The following CLASP2 variants were observed in gnomAD, a reference collection of about 807,000 sequenced individuals.
The protein encoded by CLASP2 is cytoplasmic linker associated protein 2, also known as CLIP-associating protein 2.
Under a neutral mutation model 194.4 loss-of-function variants are expected in CLASP2, and 47 were observed. The ratio of observed to expected loss-of-function variants is 0.24; its 90% CI spans 0.19 to 0.31. The LOEUF is 0.31. CLASP2 is among the 10% of genes least tolerant of loss of function. The pLI is 1.00. For missense variants in CLASP2, 1,445 were observed against 1,823.6 expected, an observed-to-expected ratio of 0.79 and a Z score of 3.78; for synonymous variants, 619 against 633.5, an observed-to-expected ratio of 0.98 and a Z score of 0.34.
At chr3:33,541,681 T>A (rs1444150024) in intron 32 of CLASP2, among the ~76,000 whole-genome samples, 1 of 152,228 alleles carries the variant, frequency 6.6e-6, no homozygotes. Context: ...TCTGTTTTTA[T>A]GGCCACATAG....
intron 37 of CLASP2, chr3:33,502,947 A>G (rs1235458564): frequency 6.6e-6 from 1 of 152,152 alleles, no homozygotes; most frequent in Non-Finnish European, 1.5e-5. Flanking sequence ...ATGCTTCCTA[A>G]TTTAACCATT....
chr3:33,651,790 G>T (rs538754884), intron 7 of CLASP2, among the ~76,000 whole-genome samples: 1 of 151,436 alleles, frequency 6.6e-6, no homozygotes, highest in South Asian at 2.1e-4. Context: ...CTCCTAAGTA[G>T]CTGGGATTAC....
At chr3:33,499,304 C>T (rs2046295920) in intron 38 of CLASP2, among the ~76,000 whole-genome samples, 1 of 151,206 alleles carries the variant, frequency 6.6e-6, no homozygotes, top group Non-Finnish European at 1.5e-5. Flanking sequence ...CCATGCGGAA[C>T]TGTGAGTCAA....
intron 33 of CLASP2, among the ~76,000 whole-genome samples, chr3:33,536,600 T>C (rs2154136387): frequency 6.6e-6 from 1 of 152,224 alleles, no homozygotes; most frequent in East Asian, 1.9e-4. Flanking sequence ...AAAAGCCTAT[T>C]GTATAGACTT....
chr3:33,699,330 A>G (rs975131833), intron 1 of CLASP2, among the ~76,000 whole-genome samples: 1 of 152,184 alleles, frequency 6.6e-6, no homozygotes. Context: ...CCAAGAATAT[A>G]GGAAAAATAA....
Position 33,598,975 on chromosome 3 carries a change from A to C in CLASP2, c.1925-2241T>G, listed in dbSNP as rs1019589632. Among the ~76,000 whole-genome samples, 49 of 152,220 alleles carry C rather than the reference A, an allele frequency of 3.2e-4. 1 individual carries two copies. Among genetic ancestry groups the C allele is most frequent in the Admixed American group, 2.7e-3 (41 of 15,282 alleles). On this transcript the variant is annotated intron_variant, in intron 18 of 38. Transcript: ENST00000682230. ...CAAAAAATTCAGTACTTTAGAGATA[A>C]CAAAAACCAGTAGCAACTGCTTTAA...
At chr3:33,500,323 C>G (rs1016773241) in intron 38 of CLASP2, among the ~76,000 whole-genome samples, 9 of 152,256 alleles carry the variant, frequency 5.9e-5, no homozygotes, top group East Asian at 1.9e-4. Flanking sequence ...CACATCTGGC[C>G]TACTTGTTTC....
chr3:33,507,321 T>G (rs774382445), intron 37 of CLASP2, among the ~76,000 whole-genome samples: 12 of 152,194 alleles, frequency 7.9e-5, no homozygotes, highest in Non-Finnish European at 2.9e-5. Flanking sequence ...TAAAGAAATT[T>G]GGCAGTTTTC....
At chr3:33,532,079 A>G (rs890535584) in intron 34 of CLASP2, among the ~76,000 whole-genome samples, 1 of 152,256 alleles carries the variant, frequency 6.6e-6, no homozygotes, top group African/African-American at 2.4e-5. Flanking sequence ...ACCAATGTTC[A>G]TAGCAACATT....
At chr3:33,604,573 A>G (rs1369807663) in intron 16 of CLASP2, among the ~76,000 whole-genome samples, 1 of 152,114 alleles carries the variant, frequency 6.6e-6, no homozygotes, top group Non-Finnish European at 1.5e-5. Context: ...CTCCTACCTC[A>G]GCCTCTCAAA....
chr3:33,531,542 G>A (rs534021707), intron 34 of CLASP2, among the ~76,000 whole-genome samples: 41 of 152,290 alleles, frequency 2.7e-4, no homozygotes, highest in African/African-American at 9.1e-4. Flanking sequence ...TTGGGAGGCC[G>A]AGGAGGGTGG....
intron 22 of CLASP2, among the ~76,000 whole-genome samples, chr3:33,582,216 T>A (rs554839032): frequency 3.7e-4 from 57 of 152,328 alleles, no homozygotes; most frequent in Non-Finnish European, 6.0e-4. Context: ...ACTCAATTTT[T>A]CTCTTTGTTC....
At chr3:33,644,514 G>T (rs2081946265) in intron 8 of CLASP2, 2 of 412,310 alleles carry the variant, frequency 4.9e-6, no homozygotes, top group South Asian at 5.6e-5. Flanking sequence ...TTTCAAAATG[G>T]CATCTGAAAA....
chr3:33,499,909 A>T (rs1424058806), intron 38 of CLASP2, among the ~76,000 whole-genome samples: 1 of 152,178 alleles, frequency 6.6e-6, no homozygotes, highest in African/African-American at 2.4e-5. Context: ...AGGACCTAAG[A>T]TCTTAGACCA....
chr3:33,639,154 T>C (rs1172718492), intron 8 of CLASP2, among the ~76,000 whole-genome samples: 1 of 152,016 alleles, frequency 6.6e-6, no homozygotes. Context: ...ACCTCCTGGG[T>C]TCAAGTGATC....
chr3:33,585,218 G>A (rs1192825031), intron 21 of CLASP2, among the ~76,000 whole-genome samples: 1 of 152,078 alleles, frequency 6.6e-6, no homozygotes, highest in Non-Finnish European at 1.5e-5. Context: ...AACACAAATG[G>A]TATACAAGAT....
Position 33,690,952 on chromosome 3 carries a change from G to A in CLASP2, c.275-1020C>T, listed in dbSNP as rs570216667. Among the ~76,000 whole-genome samples, 4 of 152,212 alleles carry A rather than the reference G, an allele frequency of 2.6e-5. No homozygotes were observed. In the East Asian group the frequency reaches 7.7e-4, roughly 29 times the overall value. On this transcript the variant is annotated intron_variant, in intron 2 of 38. Transcript: ENST00000682230. ...GGCAGGGGGTGGGGAGGATGGTTTTGGGATCAGGCATCATAAAGAGTGCAC... is the reference window on the plus strand; with the variant it reads ...GGCAGGGGGTGGGGAGGATGGTTTTAGGATCAGGCATCATAAAGAGTGCAC...
intron 11 of CLASP2, among the ~76,000 whole-genome samples, chr3:33,621,258 T>C (rs961745148): frequency 6.6e-6 from 1 of 152,178 alleles, no homozygotes; most frequent in Non-Finnish European, 1.5e-5. Context: ...GTCTATTACG[T>C]GGAAACAGAT....
chr3:33,668,890 C>T (rs2086654078), intron 6 of CLASP2, among the ~76,000 whole-genome samples: 1 of 152,160 alleles, frequency 6.6e-6, no homozygotes, highest in South Asian at 2.1e-4. Context: ...TGACTACCCA[C>T]TTCGAGGAGG....
Sources: gnomAD v4.1 joint callset for allele counts (sites outside exome capture counted in the v4.1 genomes callset) on GRCh38, gnomAD v4.1.1 for gene constraint, MANE v1.5 for transcripts, NCBI Gene and HGNC (gene_info 2026-07-23, HGNC 2026-07-21) for gene names.